The following BFAR variants were observed in gnomAD, a reference collection of about 807,000 sequenced individuals.
The protein encoded by BFAR is bifunctional apoptosis regulator.
In BFAR, 52 loss-of-function variants were observed where a neutral mutation model predicts 54.4. The observed-to-expected ratio is 0.96, with a 90% CI of 0.77 to 1.21. The LOEUF (loss-of-function observed/expected upper bound fraction) is 1.21, where lower values mean the gene tolerates loss of function less well. Ranked by LOEUF, BFAR falls within the 50% of genes most tolerant of loss-of-function variation. The pLI, the probability that BFAR is intolerant of heterozygous loss-of-function variation, is 0.00. For missense variants in BFAR, 571 were observed against 534.0 expected (o/e 1.07, Z -0.68); for synonymous variants, 215 against 204.3 (o/e 1.05, Z -0.45).
At chr16:14,646,068 T>C (rs1959785812) in intron 2 of BFAR, among the ~76,000 whole-genome samples, 2 of 152,112 alleles carry the variant, frequency 1.3e-5, no homozygotes, top group Admixed American at 6.6e-5. Flanking sequence ...TTTTGTTTTT[T>C]GAGACGGAGT....
chr16:14,655,233 T>C, intron 5 of BFAR, 23 bp downstream of exon 5: 1 of 1,361,678 alleles, frequency 7.3e-7, no homozygotes, highest in South Asian at 2.0e-5. Flanking sequence ...ATTTTTTTTT[T>C]TTTTTTTTAC....
At chr16:14,664,845 T>A in intron 6 of BFAR, 24 bp from the exon 7 acceptor site, 4 of 1,599,414 alleles carry the variant, frequency 2.5e-6, no homozygotes, top group Non-Finnish European at 3.4e-6. Context: ...CATGACTTTT[T>A]GCGTCTGTGT....
intron 7 of BFAR, 185 bp from the exon 8 acceptor site, chr16:14,667,450 C>T (rs1050452847): frequency 1.7e-6 from 1 of 588,882 alleles, no homozygotes; most frequent in Non-Finnish European, 3.0e-6. Context: ...CCCTGTAGGT[C>T]ATGTCCTTGA....
Position 14,664,923 on chromosome 16 carries a change from T to A in BFAR, c.1012T>A (p.Phe338Ile). The A allele has an allele frequency of 6.2e-7, 1 of 1,614,086 alleles. No individual in the cohort carries two copies. The highest frequency in any genetic ancestry group is 8.5e-7 in the Non-Finnish European group (1 of 1,179,916). Residue 338 changes from phenylalanine to isoleucine, a missense_variant, in exon 7 of 8, where the codon TTC becomes ATC. By Grantham distance (21) the Phe-to-Ile change is conservative. Coordinates refer to ENST00000261658, the MANE Select transcript of BFAR (RefSeq NM_016561.3). ...QWREFLVKYS[F>I]LPYQLIAEFA... ...GAGAGAGTTCCTGGTCAAATACTCC[T>A]TCCTTCCATACCAGCTGATTGCTGA...
intron 5 of BFAR, among the ~76,000 whole-genome samples, chr16:14,657,897 AT>A (rs869240446): frequency 2.0e-5 from 3 of 151,686 alleles, no homozygotes; most frequent in African/African-American, 7.3e-5. Flanking sequence ...TTAAAAAAAA[AT>A]TTTTTTTTGA....
At position 14,649,797 on chromosome 16, in the gene BFAR, T is replaced by C. The variant is rs377525507; in HGVS notation, c.469-7T>C. ...CATGGTTTAAAGTCCCTGTCACTTT[T>C]CCCCAGGTGGTCCTGCTCGTCTATC... is the stretch of plus-strand genomic sequence containing the variant. On this transcript the variant is annotated splice_region_variant and splice_polypyrimidine_tract_variant and intron_variant, in intron 3 of 7. Coordinates refer to ENST00000261658, the MANE Select transcript of BFAR (RefSeq NM_016561.3). 7.0e-5 allele frequency: 111 copies of C among 1,586,968 alleles called. No individual in the cohort carries two copies. The highest frequency in any genetic ancestry group is 9.2e-5 in the Non-Finnish European group (107 of 1,163,418).
At chr16:14,652,624 T>C (rs1874390982) in intron 4 of BFAR, among the ~76,000 whole-genome samples, 1 of 152,208 alleles carries the variant, frequency 6.6e-6, no homozygotes, top group Admixed American at 6.6e-5. Flanking sequence ...TATGTGATAT[T>C]GAAAGTGACA....
At position 14,667,638 on chromosome 16, in the gene BFAR, C is replaced by G; in HGVS notation, c.1164C>G (p.Thr388=). ...GCCTCTTCTCTTCTTGTTTCAGGAC[C>G]GTGCCTCAGAGGATGTGGAGCCATT... ...WRIWSRSELK[T]VPQRMWSHFW... The change falls in exon 8 of 8, where the codon ACC becomes ACG. Residue 388 remains threonine (T), a synonymous_variant. Transcript: ENST00000261658. 6.2e-7 allele frequency: 1 copy of G among 1,613,432 alleles called. No homozygotes were observed. The highest frequency in any genetic ancestry group is 2.2e-5 in the East Asian group (1 of 44,880).
intron 1 of BFAR, among the ~76,000 whole-genome samples, chr16:14,635,516 A>G (rs1393014045): frequency 6.6e-6 from 1 of 152,148 alleles, no homozygotes; most frequent in Non-Finnish European, 1.5e-5. Flanking sequence ...CATATATGCC[A>G]CGAGAAATGA....
chr16:14,654,006 C>CTTTTT (rs776274046), intron 4 of BFAR, among the ~76,000 whole-genome samples: 7 of 121,484 alleles, frequency 5.8e-5, no homozygotes, highest in African/African-American at 9.6e-5. Flanking sequence ...CATCTAAGAA[C>CTTTTT]TTTTTTTTTT....
chr16:14,648,574 A>C lies in BFAR; in HGVS notation c.450A>C (p.Thr150=). 1 of 1,613,756 alleles carries C rather than the reference A, an allele frequency of 6.2e-7. No homozygotes were observed. The highest frequency in any genetic ancestry group is 8.5e-7 in the Non-Finnish European group (1 of 1,179,708). ...MGGGFFSGVL[T]ALTGVAVVLL... is the part of the protein sequence containing the mutation. ...GGGGATTCTTTTCCGGTGTGCTCAC[A>C]GCTTTAACTGGAGTGGCAGTAAGTT... The change falls in exon 3 of 8, where the codon ACA becomes ACC. Residue 150 remains threonine, a synonymous_variant. Transcript: ENST00000261658.
rs765074693 is a variant in BFAR, at chr16:14,664,885, CGTGGAAGCA to C, written c.980_988del (p.Lys327_Trp329del). On this transcript the variant is annotated inframe_deletion, in exon 7 of 8. Transcript: ENST00000261658. ...TTTTTTAAGGATCTTAAGGAGCCTA[CGTGGAAGCA>C]GTGGAGAGAGTTCCTGGTCAAATAC... 4 of 1,613,752 alleles carry C rather than the reference CGTGGAAGCA, an allele frequency of 2.5e-6. No individual in the cohort carries two copies. The Admixed American group carries it at 6.7e-5, about 27-fold the overall frequency.
At position 14,669,175 on chromosome 16, in the gene BFAR, A is replaced by C. The variant is rs1567499181; in HGVS notation, c.*1348A>C. ...AGTGAAAATTTTACTCAAAAGTTGC[A>C]TCTGGAAGTTCGAAGAAATTACTTG... On this transcript the variant is annotated 3_prime_UTR_variant, in exon 8 of 8. Transcript: ENST00000261658. The C allele has an allele frequency of 5.8e-6, 2 of 347,006 alleles. No homozygotes were observed. Among genetic ancestry groups the C allele is most frequent in the Admixed American group, 7.2e-5 (2 of 27,672 alleles). 21.5% of individuals were successfully genotyped at this position (347,006 alleles called of 1,614,324 possible).
rs540948836 is a variant in BFAR, at chr16:14,653,084, A to G, written c.639-1982A>G. On this transcript the variant is annotated intron_variant, in intron 4 of 7. Coordinates refer to ENST00000261658, the MANE Select transcript of BFAR (RefSeq NM_016561.3). ...AAAATTTCTCTACCTAGTTAGTACA[A>G]TGTATTTTTACATAGCTTTCTAGAG... Among the ~76,000 whole-genome samples, 5 of 152,304 alleles carry G rather than the reference A, an allele frequency of 3.3e-5. 1 individual carries two copies. Among genetic ancestry groups the G allele is most frequent in the Admixed American group, 2.6e-4 (4 of 15,276 alleles).
At chr16:14,666,467 A>T (rs1217768201) in intron 7 of BFAR, among the ~76,000 whole-genome samples, 1 of 152,164 alleles carries the variant, frequency 6.6e-6, no homozygotes. Flanking sequence ...GCTACTCGGG[A>T]GGCTGAGGCA....
At chr16:14,666,904 G>A (rs1254006787) in intron 7 of BFAR, among the ~76,000 whole-genome samples, 4 of 152,092 alleles carry the variant, frequency 2.6e-5, no homozygotes, top group Admixed American at 2.6e-4. Context: ...GCCTAGCAAA[G>A]AAAATATGTA....
rs1959864524 is a variant in BFAR at position 14,648,403 on chromosome 16, G to T, written c.279G>T (p.Lys93Asn). 1 of 1,612,418 alleles carries T rather than the reference G, an allele frequency of 6.2e-7. No homozygotes were observed. Among genetic ancestry groups the T allele is most frequent in the African/African-American group, 1.3e-5 (1 of 74,804 alleles). ...TTCTCCATAGGGATGCCATTGAAAA[G>T]TTATTTCCTGATGCCATTAGACTGA... ...VSILLRDAIE[K>N]LFPDAIRLRF... The change falls in exon 3 of 8, where the codon AAG becomes AAT. Residue 93 changes from lysine (K) to asparagine (N), a missense_variant. Physicochemically the swap from Lys to Asn is moderately conservative, Grantham distance 94. Coordinates refer to ENST00000261658, the MANE Select transcript of BFAR (RefSeq NM_016561.3).
At chr16:14,664,340 G>A (rs1374725812) in intron 6 of BFAR, among the ~76,000 whole-genome samples, 4 of 144,644 alleles carry the variant, frequency 2.8e-5, no homozygotes, top group African/African-American at 5.2e-5. Flanking sequence ...GCAGTGAGCC[G>A]AGATGGCACC....
chr16:14,661,392 CTTTTTTTTT>C (rs774393097), intron 5 of BFAR, among the ~76,000 whole-genome samples: 1 of 65,076 alleles, frequency 1.5e-5, no homozygotes, highest in South Asian at 7.0e-4. Flanking sequence ...GAGATTGGAT[CTTTTTTTTT>C]TTTTTTTTTT....
Sources: allele counts gnomAD v4.1 joint callset (sites outside exome capture counted in the v4.1 genomes callset), GRCh38; gene constraint gnomAD v4.1.1; transcripts MANE v1.5; gene names NCBI Gene and HGNC (gene_info 2026-07-23, HGNC 2026-07-21).